The following PGM5 variants were observed in gnomAD, a reference collection of about 807,000 sequenced individuals.
PGM5 encodes the protein phosphoglucomutase 5.
PGM5 carries 23 observed loss-of-function variants against 59.2 expected under a neutral mutation model. The observed-to-expected ratio is 0.39, with a 90% CI of 0.28 to 0.55. The LOEUF is 0.55. Ranked by LOEUF, PGM5 falls within the 20% of genes least tolerant of loss-of-function variation. The pLI is 0.66. For missense variants in PGM5, 574 were observed against 748.3 expected (o/e 0.77, Z 2.72); for synonymous variants, 214 against 286.0 (o/e 0.75, Z 2.54).
chr9:68,358,319 C>A (rs1201173205), intron 1 of PGM5, among the ~76,000 whole-genome samples: 2 of 152,160 alleles, frequency 1.3e-5, no homozygotes, highest in Non-Finnish European at 2.9e-5. Flanking sequence ...AGGTTTTTCT[C>A]CCTCTGCCCC....
intron 1 of PGM5, among the ~76,000 whole-genome samples, chr9:68,368,602 G>C (rs1361917545): frequency 5.9e-4 from 88 of 149,558 alleles, no homozygotes; most frequent in African/African-American, 2.1e-3. Context: ...TTGCTGTTTA[G>C]TTATTAGCAA....
intron 6 of PGM5, among the ~76,000 whole-genome samples, chr9:68,423,389 A>G (rs1396367791): frequency 6.6e-6 from 1 of 152,148 alleles, no homozygotes; most frequent in Non-Finnish European, 1.5e-5. Context: ...AACATCTACT[A>G]TATTTTTTTA....
At chr9:68,475,184 A>ATT (rs782687667) in intron 7 of PGM5, among the ~76,000 whole-genome samples, 1,580 of 112,748 alleles carry the variant, frequency 0.014, 64 homozygotes, top group African/African-American at 0.055. Flanking sequence ...TGCCTGGCTA[A>ATT]TTTTTTTTTT....
chr9:68,495,462 C>T (rs918859938), intron 9 of PGM5, among the ~76,000 whole-genome samples: 1 of 152,092 alleles, frequency 6.6e-6, no homozygotes, highest in African/African-American at 2.4e-5. Flanking sequence ...AATACAAGTT[C>T]CTTAGGGAAG....
At chr9:68,389,639 C>T (rs1822316180) in intron 4 of PGM5, among the ~76,000 whole-genome samples, 1 of 152,008 alleles carries the variant, frequency 6.6e-6, no homozygotes, top group African/African-American at 2.4e-5. Flanking sequence ...TTTGTTTATC[C>T]ATTAACTGGT....
chr9:68,357,539 C>T lies in PGM5; in HGVS notation c.261+151C>T, dbSNP rs1199570680. The T allele has an allele frequency of 3.5e-6, 5 of 1,438,640 alleles. No individual in the cohort carries two copies. The African/African-American group carries it at 7.1e-5, about 20-fold the overall frequency. The allele number at this position is 1,438,640 out of a possible 1,614,324, so 89.1% of individuals were successfully genotyped here. A position where few individuals can be genotyped will look rare whatever the true frequency, so the allele number is the denominator to read the frequency against. On this transcript the variant is annotated intron_variant, in intron 1 of 10. Transcript: ENST00000396396. ...TCCCGCGTCCTCACCCTCCAGCGCC[C>T]CACTCCCGCCGCGCTCGCAGCCTCC...
intron 6 of PGM5, among the ~76,000 whole-genome samples, chr9:68,421,757 C>T (rs1174073012): frequency 2.6e-5 from 4 of 151,824 alleles, no homozygotes; most frequent in Non-Finnish European, 4.4e-5. Flanking sequence ...ATACTTAGAG[C>T]TGATTCTGCT....
chr9:68,486,668 A>T (rs1554687557), intron 9 of PGM5, among the ~76,000 whole-genome samples: 1 of 152,194 alleles, frequency 6.6e-6, no homozygotes, highest in East Asian at 1.9e-4. Flanking sequence ...CAGTTTGTTT[A>T]TCCATCCATT....
At chr9:68,362,786 CTTA>C (rs1554676354) in intron 1 of PGM5, among the ~76,000 whole-genome samples, 1 of 151,138 alleles carries the variant, frequency 6.6e-6, no homozygotes, top group Admixed American at 6.6e-5. Context: ...CTGCTTCTTT[CTTA>C]TTCTTAAATC....
intron 10 of PGM5, among the ~76,000 whole-genome samples, chr9:68,511,570 T>TTTTTTA (rs1824751210): frequency 7.2e-6 from 1 of 139,472 alleles, no homozygotes. Flanking sequence ...TTTTTTTTTT[T>TTTTTTA]AGATGGAGTC....
rs1223466657 is a variant in PGM5 at position 68,357,258 on chromosome 9, T to C, written c.131T>C (p.Phe44Ser). 1.3e-6 allele frequency: 2 copies of C among 1,543,864 alleles called. No homozygotes were observed. Among genetic ancestry groups the C allele is most frequent in the Non-Finnish European group, 8.7e-7 (1 of 1,145,990 alleles). Residue 44 changes from phenylalanine to serine, a missense_variant, in exon 1 of 11, where the codon TTT (phenylalanine) becomes TCT (serine). Coordinates refer to ENST00000396396, the MANE Select transcript of PGM5 (RefSeq NM_021965.4). ...GGCCAGCGCAACTACCTGCCCAACT[T>C]TATCCAGAGCGTGCTGTCGTCCATC... is the stretch of plus-strand genomic sequence containing the variant. ...FEGQRNYLPNFIQSVLSSIDL... is the reference protein window; with the variant it reads ...FEGQRNYLPNSIQSVLSSIDL...
Position 68,512,322 on chromosome 9 carries a change from G to A in PGM5, c.1614+12961G>A, listed in dbSNP as rs540589063. ...ACTGGTCCCTTGGAGCAGGAGTCAA[G>A]TTTTTTCTGAATAGGCCCAGAGAGT... On this transcript the variant is annotated intron_variant, in intron 10 of 10. Coordinates refer to ENST00000396396, the MANE Select transcript of PGM5 (RefSeq NM_021965.4). Among the ~76,000 whole-genome samples the A allele has an allele frequency of 2.4e-3, 367 of 152,328 alleles. 2 individuals carry two copies. The highest frequency in any genetic ancestry group is 8.2e-3 in the African/African-American group (342 of 41,572).
intron 10 of PGM5, among the ~76,000 whole-genome samples, chr9:68,504,008 C>T (rs1824618648): frequency 6.6e-6 from 1 of 152,226 alleles, no homozygotes; most frequent in Admixed American, 6.5e-5. Flanking sequence ...CCAGGCAATA[C>T]TGTGCTGCTG....
At chr9:68,424,052 C>T (rs1038414380) in intron 6 of PGM5, among the ~76,000 whole-genome samples, 1 of 152,156 alleles carries the variant, frequency 6.6e-6, no homozygotes, top group Non-Finnish European at 1.5e-5. Context: ...CAGAACTCCT[C>T]TCTCCTCTCT....
Position 68,484,054 on chromosome 9 carries a change from T to C in PGM5, c.1479+6T>C. On this transcript the variant is annotated splice_donor_region_variant and intron_variant, in intron 9 of 10. Coordinates refer to ENST00000396396, the MANE Select transcript of PGM5 (RefSeq NM_021965.4). ...GCACTGTGACCAAGAAACAGGTACT[T>C]GCTAGGAAATCACTACAACGGGTTA... is the stretch of plus-strand genomic sequence containing the variant. The C allele has an allele frequency of 2.5e-6, 4 of 1,611,816 alleles. No homozygotes were observed. Among genetic ancestry groups the C allele is most frequent in the Non-Finnish European group, 3.4e-6 (4 of 1,179,114 alleles).
In PGM5 at chr9:68,465,170, G is replaced by C. The variant is rs576643375; in HGVS notation, c.1121G>C (p.Gly374Ala). ...TTCTTCTCAAATCTGATGGACTCAG[G>C]ACGTTGCAATCTGTGTGGGGAAGAG... ...WRFFSNLMDSGRCNLCGEESF... is the reference protein window; with the variant it reads ...WRFFSNLMDSARCNLCGEESF... The change falls in exon 7 of 11, where the codon GGA becomes GCA. Residue 374 changes from glycine to alanine, a missense_variant. This residue lies in a region of PGM5 where 300 missense variants were observed against 280.0 expected (regional missense o/e 1.07). Transcript: ENST00000396396. 3 of 1,613,456 alleles carry C rather than the reference G, an allele frequency of 1.9e-6. No homozygotes were observed. The South Asian group carries it at 3.3e-5, about 18-fold the overall frequency.
chr9:68,407,431 C>A (rs1822843080), intron 6 of PGM5, among the ~76,000 whole-genome samples: 1 of 152,198 alleles, frequency 6.6e-6, no homozygotes, highest in African/African-American at 2.4e-5. Flanking sequence ...CCATGCCCAG[C>A]CCCTATTGCC....
intron 1 of PGM5, among the ~76,000 whole-genome samples, chr9:68,366,634 A>G (rs1218757752): frequency 2.6e-5 from 4 of 152,304 alleles, no homozygotes; most frequent in African/African-American, 9.6e-5. Flanking sequence ...TTACCTTCAA[A>G]ATTAAAATGA....
chr9:68,377,251 G>T (rs1192815882), intron 1 of PGM5, among the ~76,000 whole-genome samples: 2 of 152,120 alleles, frequency 1.3e-5, no homozygotes, highest in African/African-American at 2.4e-5. Flanking sequence ...TATCAAGCTT[G>T]CAGGTGATGC....
Sources: allele counts gnomAD v4.1 joint callset (sites outside exome capture counted in the v4.1 genomes callset), GRCh38; gene constraint gnomAD v4.1.1; regional missense constraint gnomAD v4.1.1; transcripts MANE v1.5; gene names NCBI Gene and HGNC (gene_info 2026-07-23, HGNC 2026-07-21).